ATRNL1: variants seen among roughly 807,000 people sequenced by gnomAD.
The protein encoded by ATRNL1 is attractin-like protein 1.
A neutral mutation model predicts 182.7 loss-of-function variants in ATRNL1; 95 were observed. The ratio of observed to expected loss-of-function variants is 0.52; its 90% CI spans 0.44 to 0.62. The LOEUF (loss-of-function observed/expected upper bound fraction) is 0.62, where lower values mean the gene tolerates loss of function less well. ATRNL1 is among the 20% of genes least tolerant of loss of function. ATRNL1 has a pLI of 0.00. For missense variants in ATRNL1, 1,471 were observed against 1,679.5 expected, an observed-to-expected ratio of 0.88 and a Z score of 2.17; for synonymous variants, 576 against 568.3, an observed-to-expected ratio of 1.01 and a Z score of -0.19.
intron 26 of ATRNL1, among the ~76,000 whole-genome samples, chr10:115,639,677 A>G (rs782801413): frequency 7.2e-5 from 11 of 152,184 alleles, no homozygotes; most frequent in African/African-American, 1.2e-4. Context: ...CCACTATGGA[A>G]ACTACACAGG....
At chr10:115,146,537 C>T (rs560477060) in intron 5 of ATRNL1, among the ~76,000 whole-genome samples, 13 of 152,170 alleles carry the variant, frequency 8.5e-5, no homozygotes, top group Admixed American at 2.0e-4. Flanking sequence ...ACTATAGTTA[C>T]CCTACACTGC....
intron 28 of ATRNL1, among the ~76,000 whole-genome samples, chr10:115,849,461 T>G (rs2134360086): frequency 6.6e-6 from 1 of 152,294 alleles, no homozygotes; most frequent in East Asian, 1.9e-4. Context: ...ATGGGCAGAC[T>G]GAAGGCAACT....
intron 19 of ATRNL1, among the ~76,000 whole-genome samples, chr10:115,389,540 G>GTGTATATATATA (rs1279140127): frequency 2.2e-5 from 1 of 44,490 alleles, no homozygotes; most frequent in Admixed American, 3.7e-4. Flanking sequence ...ATGTGTATGT[G>GTGTATATATATA]TATATATATA....
chr10:115,127,778 A>AG, intron 4 of ATRNL1, 57 bp downstream of exon 4: 1 of 1,255,676 alleles, frequency 8.0e-7, no homozygotes, highest in Non-Finnish European at 1.0e-6. Context: ...AATGTAAAAG[A>AG]GGTTTTTTTT....
chr10:115,593,640 G>A (rs1856049073), intron 26 of ATRNL1, among the ~76,000 whole-genome samples: 1 of 152,140 alleles, frequency 6.6e-6, no homozygotes, highest in Non-Finnish European at 1.5e-5. Flanking sequence ...ATCATTGTAT[G>A]TGTGGAAATT....
chr10:115,120,390 T>C lies in ATRNL1; in HGVS notation c.377+122T>C, dbSNP rs1844674550. On this transcript the variant is annotated intron_variant, in intron 2 of 28. Transcript: ENST00000355044. ...ATTTAGTTTGTTTATTATTAGATAA[T>C]ATTTACAACTTCTAGACATCACATT... The C allele has an allele frequency of 8.1e-6, 4 of 493,152 alleles. No homozygotes were observed. The South Asian group carries it at 1.3e-4, about 16-fold the overall frequency. 30.5% of individuals were successfully genotyped at this position (493,152 alleles called of 1,614,324 possible). A position where few individuals can be genotyped will look rare whatever the true frequency, so the allele number is the denominator to read the frequency against.
chr10:115,534,301 A>G (rs1176463626), intron 25 of ATRNL1, among the ~76,000 whole-genome samples: 8 of 151,812 alleles, frequency 5.3e-5, no homozygotes, highest in African/African-American at 1.9e-4. Context: ...TATTGGGTGC[A>G]TATATATTTA....
chr10:115,757,760 A>G (rs560163308), intron 27 of ATRNL1, among the ~76,000 whole-genome samples: 4 of 152,018 alleles, frequency 2.6e-5, no homozygotes, highest in African/African-American at 7.2e-5. Flanking sequence ...GTGTTTTCCA[A>G]CTCGGTTCCA....
intron 28 of ATRNL1, among the ~76,000 whole-genome samples, chr10:115,931,591 T>A (rs1450459183): frequency 6.6e-6 from 1 of 152,174 alleles, no homozygotes; most frequent in Non-Finnish European, 1.5e-5. Flanking sequence ...CATCAGAGAT[T>A]CCCTTTATTG....
At chr10:115,847,128 A>C (rs1950947426) in intron 27 of ATRNL1, among the ~76,000 whole-genome samples, 1 of 152,082 alleles carries the variant, frequency 6.6e-6, no homozygotes, top group Admixed American at 6.6e-5. Context: ...AGATATGCCA[A>C]CCTGATCTCA....
intron 26 of ATRNL1, among the ~76,000 whole-genome samples, chr10:115,601,240 CCA>C (rs1856579339): frequency 1.3e-5 from 2 of 152,088 alleles, no homozygotes; most frequent in Admixed American, 1.3e-4. Flanking sequence ...CATATGTAGA[CCA>C]CATACGTAGA....
intron 26 of ATRNL1, among the ~76,000 whole-genome samples, chr10:115,586,547 G>A (rs1160962780): frequency 3.1e-5 from 3 of 97,258 alleles, no homozygotes; most frequent in African/African-American, 8.7e-5. Context: ...TGTTCGCATC[G>A]GCTCCTGAGG....
chr10:115,856,825 G>A (rs1248929765), intron 28 of ATRNL1, among the ~76,000 whole-genome samples: 1 of 152,144 alleles, frequency 6.6e-6, no homozygotes, highest in East Asian at 1.9e-4. Flanking sequence ...AGTGCTGTGA[G>A]GCCCGGTTCT....
At chr10:115,710,801 C>T (rs1947040291) in intron 26 of ATRNL1, among the ~76,000 whole-genome samples, 1 of 151,910 alleles carries the variant, frequency 6.6e-6, no homozygotes, top group Admixed American at 6.6e-5. Context: ...AATAAAATAC[C>T]CTAATAAATC....
At chr10:115,898,662 C>T (rs767392472) in intron 28 of ATRNL1, among the ~76,000 whole-genome samples, 6 of 152,208 alleles carry the variant, frequency 3.9e-5, no homozygotes, top group Admixed American at 1.3e-4. Context: ...CACTGTTCCA[C>T]ACTCTGCATC....
intron 26 of ATRNL1, among the ~76,000 whole-genome samples, chr10:115,724,679 T>C (rs1046925140): frequency 6.6e-6 from 1 of 152,076 alleles, no homozygotes; most frequent in Non-Finnish European, 1.5e-5. Flanking sequence ...GTAGTGTAGG[T>C]ACTGTTATTA....
intron 5 of ATRNL1, among the ~76,000 whole-genome samples, chr10:115,148,091 G>A (rs1417584189): frequency 1.3e-5 from 2 of 152,126 alleles, no homozygotes; most frequent in Admixed American, 6.5e-5. Flanking sequence ...TACATGGGAT[G>A]TCTTTCCATT....
At position 115,368,267 on chromosome 10, in the gene ATRNL1, G is replaced by A. The variant is rs538443740; in HGVS notation, c.3176-26392G>A. Among the ~76,000 whole-genome samples, 571 of 152,314 alleles carry A rather than the reference G, an allele frequency of 3.7e-3. 3 individuals are homozygous for A. The highest frequency in any genetic ancestry group is 0.013 in the African/African-American group (548 of 41,576). On this transcript the variant is annotated intron_variant, in intron 19 of 28. Transcript: ENST00000355044. ...AGCCGGTCCGAAAAGCGCAATATTC[G>A]GGTGGGAGTGACCCGATTTTCCAGG...
chr10:115,517,154 T>A (rs543140301), intron 24 of ATRNL1, among the ~76,000 whole-genome samples: 1 of 152,096 alleles, frequency 6.6e-6, no homozygotes, highest in East Asian at 1.9e-4. Context: ...ATATGCATGT[T>A]AATAATTTCT....
Sources: allele counts gnomAD v4.1 joint callset (sites outside exome capture counted in the v4.1 genomes callset), GRCh38; gene constraint gnomAD v4.1.1; transcripts MANE v1.5; gene names NCBI Gene and HGNC (gene_info 2026-07-23, HGNC 2026-07-21).